SPEF2: variants seen among roughly 807,000 people sequenced by gnomAD.
SPEF2 encodes sperm flagella and cilia-associated protein 2.
In SPEF2, 187 loss-of-function variants were observed where a neutral mutation model predicts 224.6. The ratio of observed to expected loss-of-function variants is 0.83; its 90% CI spans 0.74 to 0.94. The LOEUF is 0.94. Among genes scored for constraint, SPEF2 ranks in the 40% least tolerant of loss-of-function variants. The pLI, the probability that SPEF2 is intolerant of heterozygous loss-of-function variation, is 0.00. For missense variants in SPEF2, 2,170 were observed against 2,135.6 expected (o/e 1.02, Z -0.32); for synonymous variants, 715 against 707.3 (o/e 1.01, Z -0.17).
At chr5:35,784,369 C>T (rs1754796513) in intron 30 of SPEF2, among the ~76,000 whole-genome samples, 1 of 152,140 alleles carries the variant, frequency 6.6e-6, no homozygotes, top group Non-Finnish European at 1.5e-5. Flanking sequence ...ACCTCGCGAT[C>T]CGCCCGCCTC....
chr5:35,800,068 G>A lies in SPEF2; in HGVS notation c.4931G>A (p.Gly1644Glu), dbSNP rs369137742. ...YFACHPDTVE[G>E]VYRALSVAVG... ...GCTTGCCACCCAGACACCGTGGAAGGAGTCTACAGGGCCCTCAGTGTGGCT... is the reference window on the plus strand; with the variant it reads ...GCTTGCCACCCAGACACCGTGGAAGAAGTCTACAGGGCCCTCAGTGTGGCT... The change falls in exon 34 of 37, where the codon GGA becomes GAA. Residue 1644 changes from glycine (G) to glutamate (E), a missense_variant. Transcript: ENST00000356031. The A allele has an allele frequency of 6.2e-7, 1 of 1,614,122 alleles. No individual in the cohort carries two copies. Among genetic ancestry groups the A allele is most frequent in the Non-Finnish European group, 8.5e-7 (1 of 1,180,024 alleles).
At chr5:35,665,271 T>C (rs1272691207) in intron 8 of SPEF2, among the ~76,000 whole-genome samples, 1 of 152,180 alleles carries the variant, frequency 6.6e-6, no homozygotes, top group African/African-American at 2.4e-5. Context: ...GGAGATTTAC[T>C]ACCTCCCACA....
intron 1 of SPEF2, among the ~76,000 whole-genome samples, chr5:35,624,609 CAA>C (rs945903754): frequency 6.0e-5 from 9 of 149,898 alleles, no homozygotes; most frequent in African/African-American, 2.3e-4. Flanking sequence ...TGTCCTCTCT[CAA>C]TCTCTCTCTC....
rs745971306 is a variant in SPEF2 at position 35,644,573 on chromosome 5, G to A, written c.585+48G>A. 9 of 1,454,484 alleles carry A rather than the reference G, an allele frequency of 6.2e-6. No homozygotes were observed. The South Asian group carries it at 1.1e-4, about 18-fold the overall frequency. The allele number at this position is 1,454,484 out of a possible 1,614,324, so 90.1% of individuals were successfully genotyped here. ...GAAATTCATTAGTGCATAGTATACA[G>A]TTTGTGATTTATGCGTATAGTACAC... is the stretch of plus-strand genomic sequence containing the variant. On this transcript the variant is annotated intron_variant, in intron 4 of 36. Transcript: ENST00000356031.
chr5:35,780,105 T>G (rs911352090), intron 30 of SPEF2, among the ~76,000 whole-genome samples: 2 of 152,202 alleles, frequency 1.3e-5, no homozygotes, highest in Non-Finnish European at 2.9e-5. Flanking sequence ...CATTCAGAAC[T>G]CTGCAGATCC....
At position 35,715,587 on chromosome 5, in the gene SPEF2, G is replaced by A. The variant is rs543055765; in HGVS notation, c.2914+2701G>A. Among the ~76,000 whole-genome samples, 6 of 151,966 alleles carry A rather than the reference G, an allele frequency of 3.9e-5. 1 individual carries two copies. Among genetic ancestry groups the A allele is most frequent in the South Asian group, 4.2e-4 (2 of 4,810 alleles). The stretch of plus-strand genomic sequence containing the variant: ...TCCTCTGGGTGATTAGATAATGGGC[G>A]CCTCAAAATGAGAGCATTTTCCTTT... On this transcript the variant is annotated intron_variant, in intron 20 of 36. Transcript: ENST00000356031.
chr5:35,667,656 G>A (rs1257020831), intron 9 of SPEF2, among the ~76,000 whole-genome samples: 1 of 152,028 alleles, frequency 6.6e-6, no homozygotes, highest in African/African-American at 2.4e-5. Flanking sequence ...AAAAATTTTT[G>A]CTCTGCAAAA....
rs142153718 is a variant in SPEF2 at position 35,674,096 on chromosome 5, A to G, written c.1524+3869A>G. ...GCATGTGAATCGATCACTTTTTTAC[A>G]TTTAAAACATATACATTGCATTGAT... is the stretch of plus-strand genomic sequence containing the variant. On this transcript the variant is annotated intron_variant, in intron 10 of 36. Coordinates refer to ENST00000356031, the MANE Select transcript of SPEF2 (RefSeq NM_024867.4). 1.0e-3 allele frequency among the ~76,000 whole-genome samples: 153 copies of G among 152,308 alleles called. 1 individual carries two copies. The highest frequency in any genetic ancestry group is 3.4e-3 in the African/African-American group (140 of 41,570).
In SPEF2 at chr5:35,800,128, C is replaced by T. The variant is rs377148150; in HGVS notation, c.4991C>T (p.Ser1664Phe). The change falls in exon 34 of 37, where the codon TCC (serine) becomes TTC (phenylalanine). Residue 1664 changes from serine (S) to phenylalanine (F), a missense_variant. Physicochemically the swap from Ser to Phe is radical, Grantham distance 155. Transcript: ENST00000356031. Reference sequence around the variant, plus strand: ...CATGTCTTCCAACAAGTCAAAGCTTCCATTCCAAGTGCAGAAAAGGTAATT... The same window carrying T: ...CATGTCTTCCAACAAGTCAAAGCTTTCATTCCAAGTGCAGAAAAGGTAATT... ...GTHVFQQVKASIPSAEKTSST... is the reference protein window; with the variant it reads ...GTHVFQQVKAFIPSAEKTSST... The T allele has an allele frequency of 3.1e-6, 5 of 1,613,978 alleles. No individual in the cohort carries two copies. Among genetic ancestry groups the T allele is most frequent in the South Asian group, 1.1e-5 (1 of 91,066 alleles).
chr5:35,637,043 C>A lies in SPEF2; in HGVS notation c.162-4388C>A, dbSNP rs535425211. Among the ~76,000 whole-genome samples the A allele has an allele frequency of 4.6e-5, 7 of 151,546 alleles. No individual in the cohort carries two copies. The East Asian group carries it at 1.4e-3, about 30-fold the overall frequency. On this transcript the variant is annotated intron_variant, in intron 2 of 36. Coordinates refer to ENST00000356031, the MANE Select transcript of SPEF2 (RefSeq NM_024867.4). ...CACTCTGAAGACAGGACTTTGGAGG[C>A]GCTTCAAATCTGTTTGTCTGCTTTG...
At position 35,773,961 on chromosome 5, in the gene SPEF2, AG is replaced by A. The variant is rs1290745312; in HGVS notation, c.4020del (p.Asn1342MetfsTer3). On this transcript the variant is annotated frameshift_variant, in exon 28 of 37. Transcript: ENST00000356031. LOFTEE classifies it high-confidence loss of function. The stretch of plus-strand genomic sequence containing the variant: ...AACAGAGGAAATTGCTGAAATCAAA[AG>A]GAAAAATGAACTGAGGGTCAAAATA... The part of the protein sequence containing the change: ...VTTEEIAEIK[R>X]KNELRVKIKE... 1.9e-6 allele frequency: 3 copies of A among 1,613,314 alleles called. No individual in the cohort carries two copies. The African/African-American group carries it at 4.0e-5, about 22-fold the overall frequency.
At chr5:35,689,900 G>A (rs147283607) in intron 10 of SPEF2, among the ~76,000 whole-genome samples, 4 of 152,150 alleles carry the variant, frequency 2.6e-5, no homozygotes, top group East Asian at 3.9e-4. Flanking sequence ...CAAAGTAGTA[G>A]AAATTTCATT....
intron 1 of SPEF2, among the ~76,000 whole-genome samples, chr5:35,621,514 TTAAG>T: frequency 6.6e-6 from 1 of 152,318 alleles, no homozygotes; most frequent in South Asian, 2.1e-4. Context: ...ATATATATGT[TTAAG>T]TAACTCTCAA....
At chr5:35,738,511 A>T (rs914893412) in intron 21 of SPEF2, among the ~76,000 whole-genome samples, 2 of 150,508 alleles carry the variant, frequency 1.3e-5, no homozygotes, top group Admixed American at 1.3e-4. Context: ...TTTGTCAAAG[A>T]TCATTGTTAG....
At chr5:35,764,717 C>T (rs1466921380) in intron 26 of SPEF2, 3 of 456,220 alleles carry the variant, frequency 6.6e-6, no homozygotes, top group South Asian at 4.6e-5. Flanking sequence ...TCCAACTGGG[C>T]ACTTTCCAAG....
chr5:35,711,981 A>G (rs1741242307), intron 19 of SPEF2, among the ~76,000 whole-genome samples: 1 of 152,134 alleles, frequency 6.6e-6, no homozygotes, highest in African/African-American at 2.4e-5. Context: ...TTTTTTTTAA[A>G]GGAACAAACT....
At chr5:35,669,654 G>A (rs1750962767) in intron 9 of SPEF2, among the ~76,000 whole-genome samples, 1 of 151,846 alleles carries the variant, frequency 6.6e-6, no homozygotes, top group South Asian at 2.1e-4. Flanking sequence ...CTTTTTTATT[G>A]ACTGTTTCAT....
chr5:35,751,038 CATATGTATATATATAT>C (rs1561305101), intron 23 of SPEF2, among the ~76,000 whole-genome samples: 17 of 27,216 alleles, frequency 6.2e-4, no homozygotes, highest in East Asian at 3.3e-3. Context: ...TATATATACA[CATATGTATATATATAT>C]ACGTATATAT....
intron 7 of SPEF2, among the ~76,000 whole-genome samples, chr5:35,658,049 G>A (rs898966412): frequency 1.4e-4 from 22 of 152,134 alleles, no homozygotes; most frequent in Non-Finnish European, 2.9e-5. Context: ...CTTCCCCATT[G>A]AGTACTATAG....
Sources: gnomAD v4.1 joint callset for allele counts (sites outside exome capture counted in the v4.1 genomes callset) on GRCh38, gnomAD v4.1.1 for gene constraint, MANE v1.5 for transcripts, NCBI Gene and HGNC (gene_info 2026-07-23, HGNC 2026-07-21) for gene names.